AOPEP: variants seen among roughly 807,000 people sequenced by gnomAD.
AOPEP encodes aminopeptidase O (putative), also known as aminopeptidase O.
AOPEP carries 77 observed loss-of-function variants against 98.1 expected under a neutral mutation model. That is an observed-to-expected ratio of 0.78 (90% CI 0.65 to 0.95). AOPEP has a LOEUF of 0.95. AOPEP is among the 40% of genes least tolerant of loss of function. The probability of loss-of-function intolerance (pLI) is 0.00; values close to 1 mark genes in which losing one functional copy is unlikely to be tolerated. For missense variants in AOPEP, 1,024 were observed against 1,024.7 expected (o/e 1.00, Z 0.01); for synonymous variants, 346 against 365.3 (o/e 0.95, Z 0.60).
chr9:94,768,377 G>T (rs1840100487), intron 2 of AOPEP, among the ~76,000 whole-genome samples: 1 of 152,114 alleles, frequency 6.6e-6, no homozygotes, highest in African/African-American at 2.4e-5. Context: ...TCTCCTGGCT[G>T]CGAAAAGACA....
At chr9:95,123,394 C>T in the AOPEP span, 5 of 442,150 alleles carry the variant, frequency 1.1e-5, no homozygotes, top group Middle Eastern at 3.7e-4. Context: ...AACCCCAGCA[C>T]TTTGGGAGGC....
intron 13 of AOPEP, chr9:95,021,803 C>T (rs2063479802): frequency 6.6e-6 from 1 of 152,214 alleles, no homozygotes; most frequent in Non-Finnish European, 1.5e-5. Flanking sequence ...TGGAGAACTG[C>T]CCTCGTTTAT....
the AOPEP span, chr9:95,111,105 G>A: frequency 6.6e-6 from 10 of 1,522,986 alleles, no homozygotes; most frequent in Non-Finnish European, 7.9e-6. Flanking sequence ...AGGCTCTGCT[G>A]CCGGCACACC....
intron 5 of AOPEP, among the ~76,000 whole-genome samples, chr9:94,837,063 T>C (rs532140174): frequency 6.6e-6 from 1 of 152,086 alleles, no homozygotes; most frequent in Admixed American, 6.5e-5. Flanking sequence ...CAATTAGAAA[T>C]GAAATGGGAG....
At chr9:95,014,968 T>A (rs2062858252) in intron 13 of AOPEP, among the ~76,000 whole-genome samples, 1 of 152,220 alleles carries the variant, frequency 6.6e-6, no homozygotes, top group African/African-American at 2.4e-5. Flanking sequence ...ATGTCATTTC[T>A]GGCCATGGGG....
intron 13 of AOPEP, among the ~76,000 whole-genome samples, chr9:95,053,622 A>T (rs2066576730): frequency 1.3e-5 from 2 of 152,272 alleles, no homozygotes. Flanking sequence ...ACTCAGAATT[A>T]TAAAATGTAT....
chr9:95,043,141 G>T (rs1402411439), intron 13 of AOPEP, among the ~76,000 whole-genome samples: 4 of 150,712 alleles, frequency 2.7e-5, no homozygotes, highest in African/African-American at 9.8e-5. Context: ...AAAGGTGGGA[G>T]GTAGTTAGTA....
chr9:95,012,569 C>T (rs1347789498), intron 13 of AOPEP, among the ~76,000 whole-genome samples: 1 of 152,116 alleles, frequency 6.6e-6, no homozygotes, highest in Non-Finnish European at 1.5e-5. Context: ...TCATATGGCA[C>T]TAATAAGGTG....
intron 5 of AOPEP, among the ~76,000 whole-genome samples, chr9:94,843,114 C>CT (rs1340530500): frequency 6.6e-6 from 1 of 152,190 alleles, no homozygotes; most frequent in Non-Finnish European, 1.5e-5. Context: ...CTCTGGGACT[C>CT]TAACGACACA....
chr9:94,998,466 A>G (rs929075758), intron 11 of AOPEP, among the ~76,000 whole-genome samples: 6 of 152,148 alleles, frequency 3.9e-5, no homozygotes, highest in Admixed American at 6.5e-5. Context: ...GTGCTTCAAT[A>G]CTTTTTTTGT....
intron 5 of AOPEP, among the ~76,000 whole-genome samples, chr9:94,813,519 C>T (rs989057228): frequency 2.6e-5 from 4 of 152,232 alleles, no homozygotes; most frequent in African/African-American, 9.6e-5. Flanking sequence ...CTGTCCTCCC[C>T]CTCACCAGCC....
intron 11 of AOPEP, among the ~76,000 whole-genome samples, chr9:94,990,065 C>T (rs2060796400): frequency 1.3e-5 from 2 of 152,208 alleles, no homozygotes; most frequent in African/African-American, 4.8e-5. Context: ...CTTTGCCCAA[C>T]AGGTCTCCAC....
the AOPEP span, among the ~76,000 whole-genome samples, chr9:95,096,655 A>G: frequency 2.0e-5 from 3 of 151,918 alleles, no homozygotes; most frequent in African/African-American, 7.2e-5. Flanking sequence ...GGGGGTCAGG[A>G]GAAGAGGAGG....
the AOPEP span, chr9:95,111,097 G>A: frequency 6.6e-7 from 1 of 1,520,570 alleles, no homozygotes; most frequent in African/African-American, 1.4e-5. Flanking sequence ...CTGTGGCCAG[G>A]CTCTGCTGCC....
Position 94,797,549 on chromosome 9 carries a change from G to T in AOPEP, c.1119-3208G>T, listed in dbSNP as rs567263629. On this transcript the variant is annotated intron_variant, in intron 4 of 16. Coordinates refer to ENST00000375315, the MANE Select transcript of AOPEP (RefSeq NM_001193329.3). ...TAGTGCCAGAAGAAACCTTAGAAAAGATTTTCATTTGTTTATATTTTAAGT... is the reference window on the plus strand; with the variant it reads ...TAGTGCCAGAAGAAACCTTAGAAAATATTTTCATTTGTTTATATTTTAAGT... Among the ~76,000 whole-genome samples the T allele has an allele frequency of 5.9e-5, 9 of 151,564 alleles. No individual in the cohort carries two copies. In the East Asian group the frequency reaches 1.7e-3, roughly 29 times the overall value.
intron 10 of AOPEP, among the ~76,000 whole-genome samples, chr9:94,978,501 G>A (rs1189929109): frequency 6.6e-6 from 1 of 152,116 alleles, no homozygotes; most frequent in Admixed American, 6.5e-5. Flanking sequence ...TCACAAACTC[G>A]GGTGGAGGCT....
At chr9:94,845,335 C>T (rs746306033) in intron 5 of AOPEP, among the ~76,000 whole-genome samples, 1 of 151,994 alleles carries the variant, frequency 6.6e-6, no homozygotes, top group Non-Finnish European at 1.5e-5. Context: ...GTTGAATGAA[C>T]GAGGGAAAAA....
Position 94,773,017 on chromosome 9 carries a change from T to TGTGG in AOPEP, c.815_818dup (p.Ser274GlyfsTer86). The TGTGG allele has an allele frequency of 6.2e-7, 1 of 1,612,736 alleles. No homozygotes were observed. The highest frequency in any genetic ancestry group is 8.5e-7 in the Non-Finnish European group (1 of 1,179,328). On this transcript the variant is annotated frameshift_variant, in exon 3 of 17. Transcript: ENST00000375315. LOFTEE classifies it high-confidence loss of function. ...TCTTCTGCAGGCCATGTGTTTATAC[T>TGTGG]GTGGGATCTCCCATAAACAACAGGG...
At chr9:95,083,355 G>A (rs990345692) in intron 16 of AOPEP, among the ~76,000 whole-genome samples, 5 of 141,312 alleles carry the variant, frequency 3.5e-5, no homozygotes, top group Admixed American at 1.4e-4. Flanking sequence ...ACCACACAGC[G>A]CACGCACCAC....
Sources: allele counts gnomAD v4.1 joint callset (sites outside exome capture counted in the v4.1 genomes callset), GRCh38; gene constraint gnomAD v4.1.1; transcripts MANE v1.5; gene names NCBI Gene and HGNC (gene_info 2026-07-23, HGNC 2026-07-21).